RBFOX1: variants seen among roughly 807,000 people sequenced by gnomAD.
The protein encoded by RBFOX1 is RNA binding protein fox-1 homolog 1.
In RBFOX1, 8 loss-of-function variants were observed where a neutral mutation model predicts 57.7. The ratio of observed to expected loss-of-function variants is 0.14; its 90% CI spans 0.08 to 0.25. RBFOX1 has a LOEUF of 0.25. Ranked by LOEUF, RBFOX1 falls within the 10% of genes least tolerant of loss-of-function variation. The pLI, the probability that RBFOX1 is intolerant of heterozygous loss-of-function variation, is 1.00. For missense variants in RBFOX1, 611 were observed against 548.5 expected, an observed-to-expected ratio of 1.11 and a Z score of -1.14; for synonymous variants, 326 against 222.4, an observed-to-expected ratio of 1.47 and a Z score of -4.15.
intron 4 of RBFOX1, among the ~76,000 whole-genome samples, chr16:7,398,375 TTGAAGATGAGGC>T (rs542145649): frequency 1.0e-3 from 157 of 152,324 alleles, no homozygotes; most frequent in African/African-American, 3.5e-3. Context: ...TACAGAAAAT[TTGAAGATGAGGC>T]TGAAGATGTA....
In RBFOX1 at chr16:6,773,363, T is replaced by C. The variant is rs539302942; in HGVS notation, c.-16+118713T>C. On this transcript the variant is annotated intron_variant, in intron 3 of 15. Coordinates refer to ENST00000550418, the MANE Select transcript of RBFOX1 (RefSeq NM_018723.4). ...TGTGTATGTGTGGATATGGGGTGCA[T>C]TTGTGTGTGTGTGTGTGGGCGTGGG... Among the ~76,000 whole-genome samples the C allele has an allele frequency of 6.8e-5, 10 of 147,672 alleles. No homozygotes were observed. The East Asian group carries it at 2.1e-3, about 31-fold the overall frequency.
chr16:6,975,474 C>A (rs1450005526), intron 3 of RBFOX1, among the ~76,000 whole-genome samples: 6 of 152,104 alleles, frequency 3.9e-5, no homozygotes, highest in Admixed American at 3.9e-4. Flanking sequence ...ACCATCTTGG[C>A]CAAGCTGGTC....
chr16:5,598,552 A>G (rs1040519723), intron 2 of RBFOX1, among the ~76,000 whole-genome samples: 4 of 152,188 alleles, frequency 2.6e-5, no homozygotes, highest in African/African-American at 4.8e-5. Context: ...ATATTATTAA[A>G]TGTCTTTCTA....
chr16:7,612,511 G>A (rs1287890714), intron 10 of RBFOX1, among the ~76,000 whole-genome samples: 1 of 151,752 alleles, frequency 6.6e-6, no homozygotes, highest in Non-Finnish European at 1.5e-5. Context: ...ATCTAGTGTA[G>A]TTAAAAATAG....
intron 2 of RBFOX1, among the ~76,000 whole-genome samples, chr16:6,637,229 A>G (rs2098446945): frequency 1.5e-5 from 1 of 64,944 alleles, no homozygotes; most frequent in Admixed American, 2.8e-4. Context: ...AATATACAAT[A>G]TATATTATAT....
At chr16:5,549,475 A>G (rs2045368804) in intron 2 of RBFOX1, among the ~76,000 whole-genome samples, 2 of 152,220 alleles carry the variant, frequency 1.3e-5, no homozygotes, top group African/African-American at 4.8e-5. Flanking sequence ...GCTTTGGAAG[A>G]GGGAAATGAC....
intron 3 of RBFOX1, among the ~76,000 whole-genome samples, chr16:6,915,697 C>A (rs1017637293): frequency 8.6e-5 from 13 of 151,884 alleles, no homozygotes; most frequent in African/African-American, 3.1e-4. Flanking sequence ...AGTACAGGTG[C>A]GCACCACCAT....
intron 1 of RBFOX1, among the ~76,000 whole-genome samples, chr16:6,312,555 G>C (rs181323405): frequency 8.5e-5 from 13 of 152,244 alleles, no homozygotes; most frequent in Admixed American, 8.5e-4. Flanking sequence ...CCCAATTTCT[G>C]GCACTATGCT....
intron 1 of RBFOX1, among the ~76,000 whole-genome samples, chr16:6,106,010 A>T (rs972933378): frequency 4.0e-5 from 6 of 151,270 alleles, no homozygotes; most frequent in African/African-American, 1.5e-4. Context: ...TTTTTTTTCC[A>T]TCCTAGTTAA....
At chr16:7,287,111 A>G (rs2095665511) in intron 4 of RBFOX1, among the ~76,000 whole-genome samples, 1 of 152,220 alleles carries the variant, frequency 6.6e-6, no homozygotes, top group Non-Finnish European at 1.5e-5. Context: ...TGTGACATAA[A>G]TATTGGTGAA....
intron 4 of RBFOX1, among the ~76,000 whole-genome samples, chr16:7,317,937 A>T (rs144260417): frequency 6.6e-6 from 1 of 152,146 alleles, no homozygotes; most frequent in Non-Finnish European, 1.5e-5. Flanking sequence ...CTCAATACAT[A>T]CTTCTACTTT....
At chr16:7,508,664 C>T (rs2074136874) in intron 4 of RBFOX1, among the ~76,000 whole-genome samples, 1 of 152,118 alleles carries the variant, frequency 6.6e-6, no homozygotes, top group Non-Finnish European at 1.5e-5. Flanking sequence ...ATTTTCTTTC[C>T]AACCTTGTAG....
Position 6,529,581 on chromosome 16 carries a change from AATAT to A in RBFOX1, c.-63-125019_-63-125016del, listed in dbSNP as rs994735640. Among the ~76,000 whole-genome samples, 46 of 91,692 alleles carry A rather than the reference AATAT, an allele frequency of 5.0e-4. No homozygotes were observed. The East Asian group carries it at 6.2e-3, about 12-fold the overall frequency. The allele number at this position is 91,692 out of a possible 152,430, so 60.2% of individuals were successfully genotyped here. On this transcript the variant is annotated intron_variant, in intron 2 of 15. Transcript: ENST00000550418. ...AATAATAATAATAATTATTATTAAT[AATAT>A]ATTATTATTTATCCTAAATGTAACA...
chr16:6,030,455 C>T (rs905153983), intron 1 of RBFOX1, among the ~76,000 whole-genome samples: 6 of 152,186 alleles, frequency 3.9e-5, no homozygotes, highest in African/African-American at 1.4e-4. Context: ...GCGTATTAAC[C>T]TCACTTTTGA....
chr16:6,026,636 G>A (rs2095200868), intron 1 of RBFOX1, among the ~76,000 whole-genome samples: 1 of 152,224 alleles, frequency 6.6e-6, no homozygotes, highest in Admixed American at 6.5e-5. Flanking sequence ...AGCCACAAAA[G>A]GAAAACAAGG....
chr16:5,987,987 A>G (rs2060314724), intron 4 of RBFOX1, among the ~76,000 whole-genome samples: 1 of 152,196 alleles, frequency 6.6e-6, no homozygotes, highest in Non-Finnish European at 1.5e-5. Flanking sequence ...CCACAGCCAG[A>G]GACAAGCTGC....
At chr16:7,107,318 A>C (rs897588468) in intron 4 of RBFOX1, among the ~76,000 whole-genome samples, 2 of 152,142 alleles carry the variant, frequency 1.3e-5, no homozygotes, top group Non-Finnish European at 2.9e-5. Context: ...GCAGACAGAC[A>C]GTAGATATTC....
intron 4 of RBFOX1, among the ~76,000 whole-genome samples, chr16:7,154,148 C>A (rs923788632): frequency 6.6e-6 from 1 of 152,116 alleles, no homozygotes; most frequent in Non-Finnish European, 1.5e-5. Flanking sequence ...GTTCATCATC[C>A]AAAAGTTATT....
intron 4 of RBFOX1, among the ~76,000 whole-genome samples, chr16:7,160,070 G>C (rs2077978802): frequency 6.6e-6 from 1 of 152,078 alleles, no homozygotes. Context: ...AAATATTCAA[G>C]GGACTCATAA....
Sources: gnomAD v4.1 joint callset for allele counts (sites outside exome capture counted in the v4.1 genomes callset) on GRCh38, gnomAD v4.1.1 for gene constraint, MANE v1.5 for transcripts, NCBI Gene and HGNC (gene_info 2026-07-23, HGNC 2026-07-21) for gene names.